The following GGNBP2 variants were observed in gnomAD, a reference collection of about 807,000 sequenced individuals.
The protein encoded by GGNBP2 is gametogenetin-binding protein 2.
Under a neutral mutation model 85.9 loss-of-function variants are expected in GGNBP2, and 10 were observed. The ratio of observed to expected loss-of-function variants is 0.12; its 90% CI spans 0.07 to 0.20. GGNBP2 has a LOEUF of 0.20. Ranked by LOEUF, GGNBP2 falls within the 10% of genes least tolerant of loss-of-function variation. The probability of loss-of-function intolerance (pLI) is 1.00; values close to 1 mark genes in which losing one functional copy is unlikely to be tolerated. For missense variants in GGNBP2, 595 were observed against 857.8 expected (o/e 0.69, Z 3.83); for synonymous variants, 287 against 285.7 (o/e 1.00, Z -0.05).
intron 1 of GGNBP2, 176 bp from the exon 2 acceptor site, chr17:36,545,443 C>T: frequency 2.6e-6 from 1 of 382,750 alleles, no homozygotes; most frequent in South Asian, 7.2e-5. Flanking sequence ...GGGAGCGCGG[C>T]GCGAGGGGGG....
At chr17:36,575,613 C>CATAT (rs776677029) in intron 6 of GGNBP2, among the ~76,000 whole-genome samples, 899 of 66,628 alleles carry the variant, frequency 0.013, 38 homozygotes, top group Middle Eastern at 0.041. Flanking sequence ...TCTAATGTAA[C>CATAT]ATATATATAT....
chr17:36,586,915 C>T (rs1599553828), intron 12 of GGNBP2, 82 bp from the exon 13 acceptor site: 12 of 1,152,172 alleles, frequency 1.0e-5, no homozygotes, highest in South Asian at 7.4e-5. Context: ...CACCGTGCCC[C>T]GCTTTTTTTT....
chr17:36,565,969 C>T (rs948559747), intron 5 of GGNBP2, among the ~76,000 whole-genome samples: 8 of 152,142 alleles, frequency 5.3e-5, no homozygotes, highest in African/African-American at 1.9e-4. Context: ...TTTGTTGTCA[C>T]AAATAAGGGG....
At chr17:36,548,609 CTG>C (rs1470194211) in intron 2 of GGNBP2, among the ~76,000 whole-genome samples, 1 of 52,830 alleles carries the variant, frequency 1.9e-5, no homozygotes, top group African/African-American at 6.1e-5. Context: ...GAGCAAGACT[CTG>C]TCTCAAAAAA....
chr17:36,582,731 G>A (rs1839776872), intron 9 of GGNBP2, among the ~76,000 whole-genome samples: 1 of 152,110 alleles, frequency 6.6e-6, no homozygotes, highest in Non-Finnish European at 1.5e-5. Flanking sequence ...TGACTTTAAT[G>A]TATTATTAGA....
At chr17:36,585,029 A>G (rs1389107065) in intron 9 of GGNBP2, among the ~76,000 whole-genome samples, 2 of 152,086 alleles carry the variant, frequency 1.3e-5, no homozygotes, top group Admixed American at 6.6e-5. Flanking sequence ...CAGCTTCCTC[A>G]GAGACATTCA....
At chr17:36,545,462 G>T in intron 1 of GGNBP2, 157 bp from the exon 2 acceptor site, 1 of 403,888 alleles carries the variant, frequency 2.5e-6, no homozygotes, top group South Asian at 7.1e-5. Flanking sequence ...GGCGGGTCCC[G>T]GCGGCGCTGG....
intron 4 of GGNBP2, among the ~76,000 whole-genome samples, chr17:36,560,167 A>G (rs889871861): frequency 2.9e-4 from 44 of 152,014 alleles, no homozygotes; most frequent in Non-Finnish European, 5.9e-5. Flanking sequence ...TATGTTACCC[A>G]GGCTGGCTTT....
intron 9 of GGNBP2, among the ~76,000 whole-genome samples, chr17:36,584,285 G>A (rs1053906340): frequency 2.0e-5 from 3 of 152,178 alleles, no homozygotes; most frequent in Admixed American, 6.5e-5. Flanking sequence ...GCACAAGTAC[G>A]TTTCCTTGAG....
At chr17:36,579,963 T>A (rs1167487945) in intron 8 of GGNBP2, among the ~76,000 whole-genome samples, 1 of 151,772 alleles carries the variant, frequency 6.6e-6, no homozygotes. Flanking sequence ...TGAGCCAAGA[T>A]CACGTCACTG....
At chr17:36,559,376 A>G (rs1207282726) in intron 4 of GGNBP2, among the ~76,000 whole-genome samples, 5 of 151,876 alleles carry the variant, frequency 3.3e-5, no homozygotes, top group Non-Finnish European at 1.5e-5. Context: ...GAGAAATGTA[A>G]CAGAGCTCAT....
At chr17:36,561,399 G>A (rs1055817576) in intron 5 of GGNBP2, among the ~76,000 whole-genome samples, 1 of 152,036 alleles carries the variant, frequency 6.6e-6, no homozygotes, top group African/African-American at 2.4e-5. Context: ...TGGGATTACA[G>A]GTGTGAGGCA....
In GGNBP2 at chr17:36,586,211, A is replaced by G. The variant is rs1273650365; in HGVS notation, c.1641+13A>G. On this transcript the variant is annotated intron_variant, in intron 12 of 13. Transcript: ENST00000613102. The stretch of plus-strand genomic sequence containing the variant: ...ATGTGATGAACATGTAAGTGTCATA[A>G]CTTGTAATTCTTAAACCTTTGCTGT... The G allele has an allele frequency of 1.9e-6, 3 of 1,607,980 alleles. No individual in the cohort carries two copies. In the African/African-American group the frequency reaches 4.0e-5, roughly 22 times the overall value.
Position 36,581,518 on chromosome 17 carries a change from A to G in GGNBP2, c.1195A>G (p.Lys399Glu). The change falls in exon 9 of 14, where the codon AAG (lysine) becomes GAG (glutamate). Residue 399 changes from lysine (K) to glutamate (E), a missense_variant. This residue lies in a region of GGNBP2 where 85 missense variants were observed against 92.6 expected (regional missense o/e 0.92). Coordinates refer to ENST00000613102, the MANE Select transcript of GGNBP2 (RefSeq NM_024835.5). ...TACTCCCTTACAAACAGCAGATGAAAAGGAAGTAAGCCAAGAGAAGGTAAT... is the reference window on the plus strand; with the variant it reads ...TACTCCCTTACAAACAGCAGATGAAGAGGAAGTAAGCCAAGAGAAGGTAAT... ...IPTPLQTADE[K>E]EVSQEKETDF... 1 of 1,608,302 alleles carries G rather than the reference A, an allele frequency of 6.2e-7. No homozygotes were observed. The highest frequency in any genetic ancestry group is 8.5e-7 in the Non-Finnish European group (1 of 1,177,508).
intron 5 of GGNBP2, 137 bp from the exon 6 acceptor site, chr17:36,567,526 A>G (rs988846500): frequency 3.3e-6 from 2 of 600,358 alleles, no homozygotes; most frequent in South Asian, 2.1e-5. Context: ...GACGGCAAGT[A>G]TAGGATCATT....
chr17:36,579,155 A>G, intron 7 of GGNBP2, 90 bp from the exon 8 acceptor site: 1 of 1,061,744 alleles, frequency 9.4e-7, no homozygotes. Context: ...AGGTAAGCAC[A>G]TTGTGTTTAA....
chr17:36,563,042 G>C (rs2142726565), intron 5 of GGNBP2, among the ~76,000 whole-genome samples: 1 of 150,034 alleles, frequency 6.7e-6, no homozygotes, highest in East Asian at 2.0e-4. Context: ...AAGTTGGGTG[G>C]ATTCTCTGAG....
chr17:36,545,541 C>G (rs968669670), intron 1 of GGNBP2, 78 bp from the exon 2 acceptor site: 2 of 565,796 alleles, frequency 3.5e-6, no homozygotes, highest in Non-Finnish European at 6.3e-6. Context: ...CGTACCCTCC[C>G]GCTCCGCTCC....
intron 2 of GGNBP2, 104 bp from the exon 3 acceptor site, chr17:36,554,716 T>C: frequency 1.3e-6 from 1 of 784,016 alleles, no homozygotes; most frequent in South Asian, 1.4e-5. Context: ...GGGCTAGGGA[T>C]GGGTGCAAAT....
Sources: allele counts gnomAD v4.1 joint callset (sites outside exome capture counted in the v4.1 genomes callset), GRCh38; gene constraint gnomAD v4.1.1; regional missense constraint gnomAD v4.1.1; transcripts MANE v1.5; gene names NCBI Gene and HGNC (gene_info 2026-07-23, HGNC 2026-07-21).